ERBB4: variants seen among roughly 807,000 people sequenced by gnomAD.
ERBB4 encodes receptor tyrosine-protein kinase erbB-4.
In ERBB4, 42 loss-of-function variants were observed where a neutral mutation model predicts 158.0. The observed-to-expected ratio is 0.27, with a 90% CI of 0.21 to 0.34. ERBB4 has a LOEUF of 0.34. Among genes scored for constraint, ERBB4 ranks in the 10% least tolerant of loss-of-function variants. The pLI is 1.00. For synonymous variants in ERBB4, 583 were observed against 558.7 expected, an observed-to-expected ratio of 1.04 and a Z score of -0.61; for missense variants, 1,333 against 1,624.1, an observed-to-expected ratio of 0.82 and a Z score of 3.08.
intron 25 of ERBB4, among the ~76,000 whole-genome samples, chr2:211,394,768 A>G (rs1256230630): frequency 6.6e-6 from 1 of 151,988 alleles, no homozygotes; most frequent in Non-Finnish European, 1.5e-5. Flanking sequence ...TCTGATGAAG[A>G]TTTTTCAGGA....
Position 212,445,765 on chromosome 2 carries a change from G to A in ERBB4, c.82+92684C>T, listed in dbSNP as rs953395070. ...TGAAGGTTTGGGTCACTCCACCAGG[G>A]GAAAAAACCCACAACCTGCTGAGGT... On this transcript the variant is annotated intron_variant, in intron 1 of 27. Transcript: ENST00000342788. Among the ~76,000 whole-genome samples the A allele has an allele frequency of 5.9e-5, 9 of 152,050 alleles. No individual in the cohort carries two copies. The South Asian group carries it at 6.2e-4, about 10-fold the overall frequency.
chr2:211,514,482 A>G (rs1343364483), intron 20 of ERBB4, among the ~76,000 whole-genome samples: 1 of 152,296 alleles, frequency 6.6e-6, no homozygotes, highest in East Asian at 1.9e-4. Flanking sequence ...ATATTCAGAA[A>G]AAAAATGAAA....
At chr2:211,523,639 C>T (rs2066252116) in intron 20 of ERBB4, among the ~76,000 whole-genome samples, 2 of 151,792 alleles carry the variant, frequency 1.3e-5, no homozygotes, top group African/African-American at 2.4e-5. Context: ...TCGTTCCTCC[C>T]GGTGGGCTCG....
In ERBB4 at chr2:211,947,482, G is replaced by A. The variant is rs2125137717; in HGVS notation, c.369C>T (p.Tyr123=). 1 of 1,613,768 alleles carries A rather than the reference G, an allele frequency of 6.2e-7. No individual in the cohort carries two copies. The highest frequency in any genetic ancestry group is 8.5e-7 in the Non-Finnish European group (1 of 1,179,876). Residue 123 remains tyrosine, a synonymous_variant, in exon 3 of 28, where the codon TAC becomes TAT. Coordinates refer to ENST00000342788, the MANE Select transcript of ERBB4 (RefSeq NM_005235.3). ...GAAGTCCAAAGTTTCCATCTTTTCTGTAGTTTAAAAATATTGCCAAGGCAT... is the reference window on the plus strand; with the variant it reads ...GAAGTCCAAAGTTTCCATCTTTTCTATAGTTTAAAAATATTGCCAAGGCAT... ...DRYALAIFLN[Y]RKDGNFGLQE...
intron 2 of ERBB4, among the ~76,000 whole-genome samples, chr2:211,963,921 T>TA (rs2081248381): frequency 6.6e-6 from 1 of 152,148 alleles, no homozygotes; most frequent in Non-Finnish European, 1.5e-5. Context: ...ATTTTAAACA[T>TA]AAAAAATAAC....
At chr2:211,912,586 C>A (rs2125058247) in intron 3 of ERBB4, among the ~76,000 whole-genome samples, 1 of 152,228 alleles carries the variant, frequency 6.6e-6, no homozygotes, top group African/African-American at 2.4e-5. Context: ...GACTATAACT[C>A]TCAGGTTTGT....
intron 15 of ERBB4, among the ~76,000 whole-genome samples, chr2:211,659,727 A>G (rs77906879): frequency 0.022 from 3,289 of 152,288 alleles, 121 homozygotes; most frequent in African/African-American, 0.076. Flanking sequence ...ATGTCTACTA[A>G]GTGTTCCTAG....
intron 20 of ERBB4, among the ~76,000 whole-genome samples, chr2:211,444,242 A>C (rs1038627113): frequency 6.6e-6 from 1 of 152,070 alleles, no homozygotes; most frequent in Non-Finnish European, 1.5e-5. Context: ...GAAGAATTAA[A>C]AAAATCACTA....
At chr2:211,967,600 C>A (rs907941470) in intron 2 of ERBB4, among the ~76,000 whole-genome samples, 3 of 151,920 alleles carry the variant, frequency 2.0e-5, no homozygotes, top group Non-Finnish European at 2.9e-5. Context: ...AAACAACACC[C>A]TGTGAAAGGA....
intron 20 of ERBB4, among the ~76,000 whole-genome samples, chr2:211,493,308 G>A (rs150078670): frequency 4.1e-4 from 62 of 151,822 alleles, no homozygotes; most frequent in African/African-American, 1.4e-3. Flanking sequence ...CTAATTGAGG[G>A]CAAAAATGCC....
At chr2:212,226,478 C>T (rs962029702) in intron 1 of ERBB4, among the ~76,000 whole-genome samples, 1 of 151,964 alleles carries the variant, frequency 6.6e-6, no homozygotes, top group Non-Finnish European at 1.5e-5. Flanking sequence ...AATACAATCC[C>T]AATGCTTTAT....
chr2:211,936,797 A>G (rs1432434357), intron 3 of ERBB4, among the ~76,000 whole-genome samples: 3 of 152,148 alleles, frequency 2.0e-5, no homozygotes, highest in Non-Finnish European at 2.9e-5. Flanking sequence ...TCAAAAGAAA[A>G]CAAAAACAAT....
chr2:212,109,262 T>G (rs2079328367), intron 2 of ERBB4, among the ~76,000 whole-genome samples: 1 of 152,202 alleles, frequency 6.6e-6, no homozygotes, highest in Non-Finnish European at 1.5e-5. Flanking sequence ...TTTTCCCATC[T>G]AACAAGGCAC....
intron 1 of ERBB4, among the ~76,000 whole-genome samples, chr2:212,192,008 A>ATGT (rs1559707035): frequency 0.043 from 2,827 of 65,486 alleles, 84 homozygotes; most frequent in African/African-American, 0.11. Flanking sequence ...GTTATATATA[A>ATGT]TATATGTTAT....
intron 2 of ERBB4, among the ~76,000 whole-genome samples, chr2:212,080,261 C>T (rs993205334): frequency 2.6e-5 from 4 of 151,354 alleles, no homozygotes; most frequent in African/African-American, 9.7e-5. Flanking sequence ...TGCAGTGAGC[C>T]GGGATTGTGC....
chr2:212,247,209 A>G (rs1256359992), intron 1 of ERBB4, among the ~76,000 whole-genome samples: 1 of 152,154 alleles, frequency 6.6e-6, no homozygotes, highest in Admixed American at 6.5e-5. Context: ...GTATCTTCCA[A>G]TTAGTATCTG....
At chr2:211,728,954 G>A (rs985311705) in intron 5 of ERBB4, among the ~76,000 whole-genome samples, 11 of 151,644 alleles carry the variant, frequency 7.3e-5, no homozygotes, top group African/African-American at 2.7e-4. Context: ...AAGTGTTCAC[G>A]TTAAAATCAT....
Position 212,155,924 on chromosome 2 carries a change from T to A in ERBB4, c.83-31021A>T, listed in dbSNP as rs573274090. On this transcript the variant is annotated intron_variant, in intron 1 of 27. Transcript: ENST00000342788. ...CATATATTACAATATCAGAAAAAAA[T>A]TTTAATGATATTTCAACAAATGTGT... is the stretch of plus-strand genomic sequence containing the variant. 2.0e-5 allele frequency among the ~76,000 whole-genome samples: 3 copies of A among 152,210 alleles called. No individual in the cohort carries two copies. In the East Asian group the frequency reaches 5.8e-4, roughly 29 times the overall value.
chr2:211,703,766 C>A (rs889344446), intron 11 of ERBB4, among the ~76,000 whole-genome samples: 2 of 152,114 alleles, frequency 1.3e-5, no homozygotes, highest in African/African-American at 2.4e-5. Flanking sequence ...ATCCTATACA[C>A]CCAAGCTATT....
Sources: gnomAD v4.1 joint callset for allele counts (sites outside exome capture counted in the v4.1 genomes callset) on GRCh38, gnomAD v4.1.1 for gene constraint, MANE v1.5 for transcripts, NCBI Gene and HGNC (gene_info 2026-07-23, HGNC 2026-07-21) for gene names.